PDILT: variants seen among roughly 807,000 people sequenced by gnomAD.
The protein encoded by PDILT is protein disulfide isomerase like, testis expressed, also known as protein disulfide-isomerase-like protein of the testis.
A neutral mutation model predicts 53.7 loss-of-function variants in PDILT; 43 were observed. The ratio of observed to expected loss-of-function variants is 0.80; its 90% CI spans 0.63 to 1.03. The LOEUF (loss-of-function observed/expected upper bound fraction) is 1.03. Among genes scored for constraint, PDILT ranks in the 50% least tolerant of loss-of-function variants. The pLI, the probability that PDILT is intolerant of heterozygous loss-of-function variation, is 0.00. For synonymous variants in PDILT, 282 were observed against 274.2 expected (o/e 1.03, Z -0.28); for missense variants, 727 against 712.3 (o/e 1.02, Z -0.24).
intron 10 of PDILT, among the ~76,000 whole-genome samples, 179 bp downstream of exon 10, chr16:20,362,225 G>C (rs1164864936): frequency 6.6e-6 from 1 of 152,206 alleles, no homozygotes; most frequent in Non-Finnish European, 1.5e-5. Flanking sequence ...TGAGTCTCAG[G>C]ACTTTGGTGC....
At chr16:20,385,848 A>G (rs1308797871) in intron 2 of PDILT, 1 of 152,206 alleles carries the variant, frequency 6.6e-6, no homozygotes, top group Non-Finnish European at 1.5e-5. Context: ...AATTTTCCAA[A>G]CTATTAAAAT....
At chr16:20,367,542 C>T (rs1966231602) in intron 8 of PDILT, among the ~76,000 whole-genome samples, 1 of 152,308 alleles carries the variant, frequency 6.6e-6, no homozygotes, top group Non-Finnish European at 1.5e-5. Context: ...TCTCCTCTAA[C>T]AGCATAAGAA....
intron 11 of PDILT, 23 bp downstream of exon 11, chr16:20,360,545 A>G (rs2141696323): frequency 6.4e-7 from 1 of 1,570,120 alleles, no homozygotes; most frequent in Non-Finnish European, 8.8e-7. Flanking sequence ...AGAATAATTC[A>G]GAGTATTTCT....
Position 20,373,109 on chromosome 16 carries a change from T to G in PDILT, c.695A>C (p.Asn232Thr). 1 of 1,613,964 alleles carries G rather than the reference T, an allele frequency of 6.2e-7. No individual in the cohort carries two copies. Among genetic ancestry groups the G allele is most frequent in the Non-Finnish European group, 8.5e-7 (1 of 1,179,828 alleles). Residue 232 changes from asparagine (N) to threonine (T), a missense_variant, in exon 6 of 12, where the codon AAC (asparagine) becomes ACC (threonine). Asn to Thr is a moderately conservative substitution (Grantham distance 65, BLOSUM62 0). Transcript: ENST00000302451. Reference protein sequence around the residue: ...VLVFKKGKIVNRQKLINDSTN... With the variant: ...VLVFKKGKIVTRQKLINDSTN... ...ACTGTCATTAATAAGCTTTTGGCGGTTCACAATTTTTCCCTTGTACAAAAG... is the reference window on the plus strand; with the variant it reads ...ACTGTCATTAATAAGCTTTTGGCGGGTCACAATTTTTCCCTTGTACAAAAG...
At position 20,399,082 on chromosome 16, in the gene PDILT, A is replaced by T. The variant is rs1966696268; in HGVS notation, c.202+17T>A. ...TCATCCCATCTATCATCCATCACCC[A>T]GGATGGGGGCACTCACGGAAAAGCA... On this transcript the variant is annotated intron_variant, in intron 2 of 11. Coordinates refer to ENST00000302451, the MANE Select transcript of PDILT (RefSeq NM_174924.2). 5 of 1,614,070 alleles carry T rather than the reference A, an allele frequency of 3.1e-6. No individual in the cohort carries two copies. The highest frequency in any genetic ancestry group is 4.2e-6 in the Non-Finnish European group (5 of 1,179,912).
intron 3 of PDILT, among the ~76,000 whole-genome samples, chr16:20,380,199 G>A (rs1215035834): frequency 6.6e-6 from 1 of 152,136 alleles, no homozygotes; most frequent in African/African-American, 2.4e-5. Flanking sequence ...TGTCCCTCCT[G>A]ATGGGCTGCC....
At chr16:20,375,024 A>G in intron 4 of PDILT, 65 bp from the exon 5 acceptor site, 2 of 1,511,284 alleles carry the variant, frequency 1.3e-6, no homozygotes, top group Non-Finnish European at 1.8e-6. Flanking sequence ...TATATAAGGG[A>G]AAGACGGCAG....
chr16:20,384,275 A>T (rs1245735897), intron 3 of PDILT, among the ~76,000 whole-genome samples: 3 of 152,218 alleles, frequency 2.0e-5, no homozygotes, highest in African/African-American at 7.2e-5. Flanking sequence ...AAGCAGCCAC[A>T]TATTCACTAA....
rs765111609 is a variant in PDILT, at chr16:20,369,486, A to G, written c.1116+6T>C. ...CTGGATAAACCTTGTCCAAGAAAAAACCTACTGTGGCATTTTTACTCAGGA... is the reference window on the plus strand; with the variant it reads ...CTGGATAAACCTTGTCCAAGAAAAAGCCTACTGTGGCATTTTTACTCAGGA... On this transcript the variant is annotated splice_donor_region_variant and intron_variant, in intron 8 of 11. Transcript: ENST00000302451. 1.2e-5 allele frequency: 20 copies of G among 1,612,538 alleles called. No homozygotes were observed. The highest frequency in any genetic ancestry group is 2.5e-6 in the Non-Finnish European group (3 of 1,178,782).
Position 20,359,215 on chromosome 16 carries a change from A to C in PDILT, c.*104T>G. 4.7e-6 allele frequency: 7 copies of C among 1,495,890 alleles called. No individual in the cohort carries two copies. The highest frequency in any genetic ancestry group is 4.5e-6 in the Non-Finnish European group (5 of 1,116,678). 92.7% of individuals were successfully genotyped at this position (1,495,890 alleles called of 1,614,324 possible). A position where few individuals can be genotyped will look rare whatever the true frequency, so the allele number is the denominator to read the frequency against. On this transcript the variant is annotated 3_prime_UTR_variant, in exon 12 of 12. Transcript: ENST00000302451. ...TATTATCCACCCCTACCCCCGCCCC[A>C]CCTACCCTACCACAATGATATATGC...
chr16:20,367,024 CTTCTTTCTTTCTTTCT>C (rs528059448), intron 8 of PDILT, among the ~76,000 whole-genome samples: 7,571 of 75,690 alleles, frequency 0.1, 552 homozygotes, highest in Middle Eastern at 0.12. Context: ...CTCTCTCTTT[CTTCTTTCTTTCTTTCT>C]TTCTTTCTTT....
chr16:20,372,739 A>C, intron 7 of PDILT, 63 bp downstream of exon 7: 1 of 1,569,108 alleles, frequency 6.4e-7, no homozygotes. Context: ...AAATGGGCTC[A>C]GGGTCTGCAG....
chr16:20,402,577 G>A (rs1218614690), intron 1 of PDILT, among the ~76,000 whole-genome samples: 6 of 152,340 alleles, frequency 3.9e-5, no homozygotes, highest in African/African-American at 2.4e-5. Context: ...GGGATGACAG[G>A]CATGAGCCAC....
chr16:20,363,806 G>A (rs1281757895), intron 9 of PDILT, among the ~76,000 whole-genome samples: 2 of 152,018 alleles, frequency 1.3e-5, no homozygotes, highest in Non-Finnish European at 2.9e-5. Context: ...CTTGGACAGG[G>A]GACACTGAAC....
In PDILT at chr16:20,369,698, G is replaced by A. The variant is rs1966275329; in HGVS notation, c.919-9C>T. 2 of 1,613,664 alleles carry A rather than the reference G, an allele frequency of 1.2e-6. No homozygotes were observed. Among genetic ancestry groups the A allele is most frequent in the Non-Finnish European group, 1.7e-6 (2 of 1,179,954 alleles). On this transcript the variant is annotated splice_polypyrimidine_tract_variant and intron_variant, in intron 7 of 11. Coordinates refer to ENST00000302451, the MANE Select transcript of PDILT (RefSeq NM_174924.2). Reference sequence around the variant, plus strand: ...ACAAGGATGAAAAGGATCTGCCAAAGAAAACAAAACCCTTGTCTCTCTGGA... The same window carrying A: ...ACAAGGATGAAAAGGATCTGCCAAAAAAAACAAAACCCTTGTCTCTCTGGA...
At chr16:20,384,484 G>C (rs544149232) in intron 3 of PDILT, among the ~76,000 whole-genome samples, 161 bp downstream of exon 3, 2 of 152,252 alleles carry the variant, frequency 1.3e-5, no homozygotes, top group East Asian at 3.9e-4. Flanking sequence ...ACAGAGGAAA[G>C]AGCAGGTGGC....
chr16:20,362,267 T>C, intron 10 of PDILT, 137 bp downstream of exon 10: 1 of 880,244 alleles, frequency 1.1e-6, no homozygotes. Context: ...TGAACTTGAA[T>C]GTGAGAGGAT....
At position 20,399,304 on chromosome 16, in the gene PDILT, T is replaced by C; in HGVS notation, c.-4A>G. 1.2e-6 allele frequency: 2 copies of C among 1,613,614 alleles called. No individual in the cohort carries two copies. The highest frequency in any genetic ancestry group is 1.7e-6 in the Non-Finnish European group (2 of 1,179,770). ...GGGGCATCCAGAGTAGGTCCATGGC[T>C]GTCCTGCAGGGGCCGGAGAAGGAAC... On this transcript the variant is annotated 5_prime_UTR_variant, in exon 2 of 12. Coordinates refer to ENST00000302451, the MANE Select transcript of PDILT (RefSeq NM_174924.2).
chr16:20,372,577 G>T (rs1966322291), intron 7 of PDILT, among the ~76,000 whole-genome samples: 1 of 152,126 alleles, frequency 6.6e-6, no homozygotes, highest in African/African-American at 2.4e-5. Flanking sequence ...TGTAGATTTG[G>T]CATGGAAGAG....
Sources: allele counts gnomAD v4.1 joint callset (sites outside exome capture counted in the v4.1 genomes callset), GRCh38; gene constraint gnomAD v4.1.1; transcripts MANE v1.5; gene names NCBI Gene and HGNC (gene_info 2026-07-23, HGNC 2026-07-21).